PPME1: variants seen among roughly 807,000 people sequenced by gnomAD.
PPME1 encodes protein phosphatase methylesterase 1, also known as testicular secretory protein Li 39.
PPME1 carries 17 observed loss-of-function variants against 56.9 expected under a neutral mutation model. That is an observed-to-expected ratio of 0.30 (90% CI 0.20 to 0.45). PPME1 has a LOEUF of 0.45. Among genes scored for constraint, PPME1 ranks in the 20% least tolerant of loss-of-function variants. The probability of loss-of-function intolerance (pLI) is 1.00; values close to 1 mark genes in which losing one functional copy is unlikely to be tolerated. For missense variants in PPME1, 357 were observed against 483.2 expected (o/e 0.74, Z 2.45); for synonymous variants, 122 against 156.2 (o/e 0.78, Z 1.63).
intron 3 of PPME1, among the ~76,000 whole-genome samples, 192 bp from the exon 4 acceptor site, chr11:74,222,120 G>C (rs1452822642): frequency 6.6e-6 from 1 of 152,112 alleles, no homozygotes; most frequent in Non-Finnish European, 1.5e-5. Flanking sequence ...TTGAAGTTGG[G>C]ACAGAACCAC....
intron 3 of PPME1, chr11:74,205,351 A>T (rs935485602): frequency 2.0e-5 from 3 of 152,256 alleles, no homozygotes; most frequent in Admixed American, 6.5e-5. Context: ...GGGGTGGGAC[A>T]GCCCATGTGC....
chr11:74,211,715 A>G (rs1192960071), intron 3 of PPME1, among the ~76,000 whole-genome samples: 3 of 152,218 alleles, frequency 2.0e-5, no homozygotes, highest in Admixed American at 6.5e-5. Context: ...AACAAACTAT[A>G]GGCAAAGGGT....
chr11:74,187,426 A>G (rs1309945344), intron 1 of PPME1, among the ~76,000 whole-genome samples: 2 of 152,158 alleles, frequency 1.3e-5, no homozygotes, highest in Admixed American at 6.5e-5. Context: ...ACAGTATTAC[A>G]TAGTTTTCAG....
intron 1 of PPME1, among the ~76,000 whole-genome samples, chr11:74,175,152 A>G (rs1005635948): frequency 6.6e-6 from 1 of 152,208 alleles, no homozygotes; most frequent in African/African-American, 2.4e-5. Context: ...TTACTATTAG[A>G]GGAACTATAA....
At position 74,251,006 on chromosome 11, in the gene PPME1, T is replaced by A; in HGVS notation, c.1062T>A (p.Asp354Glu). ...AGTGTGGCCATGCAGTCCATGAGGA[T>A]GCCCCTGACAAGGTGAGTCTGGTGC... The part of the protein sequence containing the change: ...LPQCGHAVHE[D>E]APDKVAEAVA... Residue 354 changes from aspartate to glutamate, a missense_variant, in exon 12 of 14, where the codon GAT becomes GAA. This residue lies in a region of PPME1 where 182 missense variants were observed against 293.8 expected (regional missense o/e 0.62). Coordinates refer to ENST00000328257, the MANE Select transcript of PPME1 (RefSeq NM_016147.3). The A allele has an allele frequency of 6.3e-7, 1 of 1,597,908 alleles. No homozygotes were observed. Among genetic ancestry groups the A allele is most frequent in the Non-Finnish European group, 8.5e-7 (1 of 1,171,988 alleles).
chr11:74,210,501 G>A (rs1858442983), intron 3 of PPME1, among the ~76,000 whole-genome samples: 1 of 152,186 alleles, frequency 6.6e-6, no homozygotes, highest in Admixed American at 6.5e-5. Flanking sequence ...TGGAGGTGAG[G>A]CCTAATGGGA....
chr11:74,216,986 C>T (rs991499386), intron 3 of PPME1, among the ~76,000 whole-genome samples: 1 of 151,994 alleles, frequency 6.6e-6, no homozygotes, highest in African/African-American at 2.4e-5. Flanking sequence ...TAAAAGTCTC[C>T]CAGTAAAGAA....
intron 1 of PPME1, among the ~76,000 whole-genome samples, chr11:74,184,045 C>G (rs1857608083): frequency 6.6e-6 from 1 of 152,092 alleles, no homozygotes; most frequent in African/African-American, 2.4e-5. Flanking sequence ...AACTCGTGCC[C>G]TATTTATATT....
At chr11:74,193,142 A>G (rs1303061308) in intron 1 of PPME1, among the ~76,000 whole-genome samples, 1 of 152,186 alleles carries the variant, frequency 6.6e-6, no homozygotes, top group Admixed American at 6.5e-5. Context: ...TCACTGTATT[A>G]ATGGTATGTT....
chr11:74,225,545 T>C lies in PPME1; in HGVS notation c.398+289T>C, dbSNP rs192812715. Among the ~76,000 whole-genome samples the C allele has an allele frequency of 3.8e-3, 586 of 152,320 alleles. 3 individuals carry two copies. Among genetic ancestry groups the C allele is most frequent in the Middle Eastern group, 0.034 (10 of 294 alleles). On this transcript the variant is annotated intron_variant, in intron 5 of 13. Transcript: ENST00000328257. ...CTTTTGAAAAGTTTTCTTCTGTTGA[T>C]GGAATTGCGTTGAATCTGGGTACTT...
At chr11:74,182,605 C>G (rs1344676071) in intron 1 of PPME1, among the ~76,000 whole-genome samples, 1 of 152,054 alleles carries the variant, frequency 6.6e-6, no homozygotes, top group Non-Finnish European at 1.5e-5. Context: ...AGAGATCTGC[C>G]CACCTTGGCC....
chr11:74,252,078 A>C (rs1456238437), intron 13 of PPME1, among the ~76,000 whole-genome samples: 3 of 150,282 alleles, frequency 2.0e-5, no homozygotes, highest in Non-Finnish European at 4.4e-5. Context: ...CTGCCAAGGA[A>C]AGCTGGGCAG....
At chr11:74,232,174 C>G (rs1419188555) in intron 7 of PPME1, among the ~76,000 whole-genome samples, 2 of 152,212 alleles carry the variant, frequency 1.3e-5, no homozygotes, top group Non-Finnish European at 2.9e-5. Context: ...ACTGTATACC[C>G]TTAAGTTTTC....
chr11:74,172,640 G>C (rs990424280), intron 1 of PPME1, among the ~76,000 whole-genome samples: 3 of 151,150 alleles, frequency 2.0e-5, no homozygotes, highest in Non-Finnish European at 4.4e-5. Flanking sequence ...AGAATGAGGT[G>C]AACATGGGAG....
chr11:74,213,464 G>A (rs992208038), intron 3 of PPME1, among the ~76,000 whole-genome samples: 2 of 152,220 alleles, frequency 1.3e-5, no homozygotes, highest in African/African-American at 2.4e-5. Context: ...TGCTGATTAT[G>A]GAGCCCTAGG....
At chr11:74,231,188 G>A (rs1859057313) in intron 7 of PPME1, among the ~76,000 whole-genome samples, 186 bp downstream of exon 7, 1 of 152,126 alleles carries the variant, frequency 6.6e-6, no homozygotes, top group Non-Finnish European at 1.5e-5. Context: ...CTCCCAAGTT[G>A]CTAAGACTAC....
At chr11:74,207,856 A>C (rs186061317) in intron 3 of PPME1, among the ~76,000 whole-genome samples, 1 of 152,220 alleles carries the variant, frequency 6.6e-6, no homozygotes, top group Non-Finnish European at 1.5e-5. Context: ...GTACCTCTGA[A>C]GAATCTGGGA....
chr11:74,225,473 TATAA>T, intron 5 of PPME1, among the ~76,000 whole-genome samples: 1 of 152,222 alleles, frequency 6.6e-6, no homozygotes, highest in Non-Finnish European at 1.5e-5. Flanking sequence ...ATGGTCATCA[TATAA>T]AGCACATGAA....
chr11:74,203,265 G>T (rs144777540), intron 1 of PPME1, among the ~76,000 whole-genome samples: 8 of 152,224 alleles, frequency 5.3e-5, no homozygotes, highest in Non-Finnish European at 1.0e-4. Flanking sequence ...AAGGAAGCAT[G>T]AAAGAGTATG....
Sources: allele counts gnomAD v4.1 joint callset (sites outside exome capture counted in the v4.1 genomes callset), GRCh38; gene constraint gnomAD v4.1.1; regional missense constraint gnomAD v4.1.1; transcripts MANE v1.5; gene names NCBI Gene and HGNC (gene_info 2026-07-23, HGNC 2026-07-21).